Variants in GNG12 observed in about 807,000 individuals in gnomAD.
GNG12 encodes G protein subunit gamma 12.
For missense variants in GNG12, 69 were observed against 83.8 expected (o/e 0.82, Z 0.69); for synonymous variants, 28 against 29.7 (o/e 0.94, Z 0.19).
intron 2 of GNG12, among the ~76,000 whole-genome samples, chr1:67,773,738 T>C (rs1646687846): frequency 2.6e-5 from 4 of 152,150 alleles, no homozygotes; most frequent in Admixed American, 2.6e-4. Flanking sequence ...CAGGAAGTTA[T>C]TTTTCTTTTA....
At chr1:67,824,873 T>C (rs1647003162) in intron 1 of GNG12, among the ~76,000 whole-genome samples, 2 of 152,128 alleles carry the variant, frequency 1.3e-5, no homozygotes, top group African/African-American at 2.4e-5. Flanking sequence ...CCCTGTGTTA[T>C]ATTACCTGCT....
intron 1 of GNG12, among the ~76,000 whole-genome samples, chr1:67,819,020 T>G (rs1646970575): frequency 6.6e-6 from 1 of 152,100 alleles, no homozygotes. Context: ...AGTGACCCAC[T>G]GAAATTTATG....
chr1:67,801,306 T>C (rs1420578812), intron 1 of GNG12, among the ~76,000 whole-genome samples: 1 of 152,182 alleles, frequency 6.6e-6, no homozygotes, highest in Non-Finnish European at 1.5e-5. Flanking sequence ...GGTCAGCACA[T>C]GGAAAGCACA....
At chr1:67,727,714 T>G (rs989556613) in intron 2 of GNG12, among the ~76,000 whole-genome samples, 1 of 152,238 alleles carries the variant, frequency 6.6e-6, no homozygotes, top group Non-Finnish European at 1.5e-5. Flanking sequence ...TCTAATGTGG[T>G]AAGCCTGCTA....
Position 67,768,849 on chromosome 1 carries a change from A to G in GNG12, c.-27+8609T>C, listed in dbSNP as rs113062417. Among the ~76,000 whole-genome samples, 1,071 of 152,372 alleles carry G rather than the reference A, an allele frequency of 7.0e-3. 14 individuals are homozygous for G. Among genetic ancestry groups the G allele is most frequent in the African/African-American group, 0.025 (1,022 of 41,584 alleles). On this transcript the variant is annotated intron_variant, in intron 2 of 3. Coordinates refer to ENST00000370982, the MANE Select transcript of GNG12 (RefSeq NM_018841.6). Reference sequence around the variant, plus strand: ...AGAGCCTGTTAGTTATTTCAAATATATATCTAGATCTTTGAATGGCCAGTG... The same window carrying G: ...AGAGCCTGTTAGTTATTTCAAATATGTATCTAGATCTTTGAATGGCCAGTG...
rs1557592225 is a variant in GNG12 at position 67,710,102 on chromosome 1, TTATATATATAGTTATATATATAGTTATA to T, written c.-26-2418_-26-2391del. On this transcript the variant is annotated intron_variant, in intron 2 of 3. Transcript: ENST00000370982. ...TATATATATATAGTTATATATATAG[TTATATATATAGTTATATATATAGTTATA>T]TATATAGTTATATATATATAGTTAT... Among the ~76,000 whole-genome samples, 22 of 20,410 alleles carry T rather than the reference TTATATATATAGTTATATATATAGTTATA, an allele frequency of 1.1e-3. 1 individual carries two copies. The highest frequency in any genetic ancestry group is 3.1e-3 in the African/African-American group (20 of 6,374). 13.4% of individuals were successfully genotyped at this position (20,410 alleles called of 152,430 possible).
rs1386698035 is a variant in GNG12, at chr1:67,734,681, C to G, written c.-26-26969G>C. Among the ~76,000 whole-genome samples, 4 of 152,246 alleles carry G rather than the reference C, an allele frequency of 2.6e-5. No homozygotes were observed. In the East Asian group the frequency reaches 7.7e-4, roughly 29 times the overall value. On this transcript the variant is annotated intron_variant, in intron 2 of 3. Transcript: ENST00000370982. ...TTGCTCTGTCACCCAGGCTGGAGTA[C>G]AGTTGCAGGATCGTAGCTTACTGCA...
In GNG12 at chr1:67,749,058, G is replaced by A. The variant is rs559599053; in HGVS notation, c.-27+28400C>T. On this transcript the variant is annotated intron_variant, in intron 2 of 3. Transcript: ENST00000370982. ...CACTCCCCTGGAGGGGAGGAGGTGGGGAACAACCAAACCCTCCATTTCTTC... is the reference window on the plus strand; with the variant it reads ...CACTCCCCTGGAGGGGAGGAGGTGGAGAACAACCAAACCCTCCATTTCTTC... 2.6e-5 allele frequency among the ~76,000 whole-genome samples: 4 copies of A among 152,174 alleles called. No homozygotes were observed. The South Asian group carries it at 6.2e-4, about 24-fold the overall frequency.
chr1:67,745,362 C>T (rs1646502259), intron 2 of GNG12, among the ~76,000 whole-genome samples: 1 of 152,172 alleles, frequency 6.6e-6, no homozygotes, highest in Admixed American at 6.5e-5. Context: ...TCAGATCTGA[C>T]ATGAATTACT....
intron 1 of GNG12, among the ~76,000 whole-genome samples, chr1:67,826,669 G>C (rs1263249383): frequency 6.6e-6 from 1 of 152,178 alleles, no homozygotes; most frequent in Non-Finnish European, 1.5e-5. Context: ...GTTAAACTTG[G>C]TATGATGATG....
At chr1:67,768,582 T>C (rs550515594) in intron 2 of GNG12, among the ~76,000 whole-genome samples, 1 of 152,326 alleles carries the variant, frequency 6.6e-6, no homozygotes, top group Admixed American at 6.5e-5. Flanking sequence ...TGAACATGTA[T>C]TATGTGATGG....
At chr1:67,817,673 G>T (rs1458508571) in intron 1 of GNG12, among the ~76,000 whole-genome samples, 1 of 152,038 alleles carries the variant, frequency 6.6e-6, no homozygotes, top group African/African-American at 2.4e-5. Flanking sequence ...TTCCTCATTA[G>T]CTTACTGGTC....
chr1:67,730,501 C>G (rs531714115), intron 2 of GNG12, among the ~76,000 whole-genome samples: 2 of 151,976 alleles, frequency 1.3e-5, no homozygotes, highest in African/African-American at 2.4e-5. Flanking sequence ...CAAGACGCCA[C>G]CCCCCAACCG....
chr1:67,817,632 T>C (rs1156788488), intron 1 of GNG12, among the ~76,000 whole-genome samples: 1 of 152,208 alleles, frequency 6.6e-6, no homozygotes, highest in Non-Finnish European at 1.5e-5. Flanking sequence ...ACATGCCTAT[T>C]ATTCTGTCAT....
chr1:67,760,154 A>G (rs1312636581), intron 2 of GNG12, among the ~76,000 whole-genome samples: 2 of 152,200 alleles, frequency 1.3e-5, no homozygotes, highest in African/African-American at 4.8e-5. Flanking sequence ...CATGCATTAC[A>G]TTACTGAAAC....
intron 1 of GNG12, among the ~76,000 whole-genome samples, chr1:67,820,355 C>T (rs1184938959): frequency 6.6e-6 from 1 of 150,804 alleles, no homozygotes; most frequent in African/African-American, 2.4e-5. Flanking sequence ...ATACTCCAGC[C>T]TGGATGACAG....
rs188738081 is a variant in GNG12 at position 67,735,081 on chromosome 1, C to T, written c.-26-27369G>A. Among the ~76,000 whole-genome samples, 429 of 152,210 alleles carry T rather than the reference C, an allele frequency of 2.8e-3. 7 individuals are homozygous for T. Among genetic ancestry groups the T allele is most frequent in the Non-Finnish European group, 1.6e-3 (106 of 68,016 alleles). ...TTGTTGGTCAGGCTGGTCTCAAACT[C>T]CTGACCTCAGGTGATCCACCCTCCT... On this transcript the variant is annotated intron_variant, in intron 2 of 3. Coordinates refer to ENST00000370982, the MANE Select transcript of GNG12 (RefSeq NM_018841.6).
At chr1:67,720,080 A>G (rs1425569273) in intron 2 of GNG12, among the ~76,000 whole-genome samples, 1 of 152,224 alleles carries the variant, frequency 6.6e-6, no homozygotes, top group Non-Finnish European at 1.5e-5. Flanking sequence ...CTGAGCCCAC[A>G]GATGCTCACT....
intron 2 of GNG12, among the ~76,000 whole-genome samples, chr1:67,734,466 C>G (rs1273833111): frequency 6.6e-6 from 1 of 152,216 alleles, no homozygotes; most frequent in Non-Finnish European, 1.5e-5. Context: ...TTACCCCTCA[C>G]AGTCACCCTA....
Sources: allele counts gnomAD v4.1 joint callset (sites outside exome capture counted in the v4.1 genomes callset), GRCh38; gene constraint gnomAD v4.1.1; transcripts MANE v1.5; gene names NCBI Gene and HGNC (gene_info 2026-07-23, HGNC 2026-07-21).